ZSCAN25: variants seen among roughly 807,000 people sequenced by gnomAD.
ZSCAN25 encodes the protein zinc finger and SCAN domain containing 25.
In ZSCAN25, 27 loss-of-function variants were observed where a neutral mutation model predicts 38.7. The observed-to-expected ratio is 0.70, with a 90% confidence interval of 0.51 to 0.96. The LOEUF is 0.96. ZSCAN25 is among the 40% of genes least tolerant of loss of function. The pLI is 0.00. For synonymous variants in ZSCAN25, 273 were observed against 277.7 expected (o/e 0.98, Z 0.17); for missense variants, 637 against 705.9 (o/e 0.90, Z 1.11).
At chr7:99,699,818 T>C in the ZSCAN25 span, 1 of 579,972 alleles carries the variant, frequency 1.7e-6, no homozygotes, top group Non-Finnish European at 3.1e-6. Flanking sequence ...ATAAGATCAA[T>C]AATAACCTCT....
Position 99,629,429 on chromosome 7 carries a change from C to T in ZSCAN25, c.1044C>T (p.Phe348=), listed in dbSNP as rs749837534. The change falls in exon 8 of 8, where the codon TTC becomes TTT. Residue 348 remains phenylalanine, a synonymous_variant. Transcript: ENST00000394152. The surrounding 1 kb of genome is among the most constrained non-coding windows in gnomAD (Gnocchi z 5.6). The part of the protein sequence containing the change: ...VKTHSSFWKP[F]QCPECGKGFS... The stretch of plus-strand genomic sequence containing the variant: ...CCCACAGCTCCTTCTGGAAGCCTTT[C>T]CAGTGCCCTGAGTGTGGGAAAGGAT... The T allele has an allele frequency of 3.7e-6, 6 of 1,614,234 alleles. No individual in the cohort carries two copies. Among genetic ancestry groups the T allele is most frequent in the Non-Finnish European group, 5.1e-6 (6 of 1,180,042 alleles).
the ZSCAN25 span, among the ~76,000 whole-genome samples, chr7:99,637,839 A>G: frequency 6.6e-6 from 1 of 152,248 alleles, no homozygotes; most frequent in African/African-American, 2.4e-5. Flanking sequence ...GCATGAATGC[A>G]AAATAAGCCA....
chr7:99,722,541 CTT>C, the ZSCAN25 span, among the ~76,000 whole-genome samples: 1 of 152,122 alleles, frequency 6.6e-6, no homozygotes, highest in African/African-American at 2.4e-5. Flanking sequence ...TAAAATCACT[CTT>C]GAATTTTCTT....
the ZSCAN25 span, among the ~76,000 whole-genome samples, chr7:99,679,493 T>C: frequency 6.6e-6 from 1 of 152,160 alleles, no homozygotes; most frequent in Non-Finnish European, 1.5e-5. Context: ...GATCACACTG[T>C]CCATCATGAT....
the ZSCAN25 span, chr7:99,648,467 A>G: frequency 9.0e-7 from 1 of 1,114,406 alleles, no homozygotes; most frequent in Non-Finnish European, 1.3e-6. Context: ...ATGGAAGCAA[A>G]GTAGAAAAAA....
At chr7:99,648,119 T>C in the ZSCAN25 span, 1 of 1,254,102 alleles carries the variant, frequency 8.0e-7, no homozygotes, top group East Asian at 3.2e-5. Context: ...TCCTTTATAC[T>C]ACATAATGCA....
At chr7:99,638,426 A>G in the ZSCAN25 span, 60 of 1,575,816 alleles carry the variant, frequency 3.8e-5, 1 homozygote, top group African/African-American at 4.6e-4. Flanking sequence ...GGATTATGGC[A>G]TCCCTCATCT....
At chr7:99,627,312 C>G (rs1288658213) in intron 7 of ZSCAN25, among the ~76,000 whole-genome samples, 1 of 152,152 alleles carries the variant, frequency 6.6e-6, no homozygotes, top group Non-Finnish European at 1.5e-5. Context: ...TCCCCAAGAT[C>G]TAGTTGTGGT....
At chr7:99,646,833 C>CATGCA in the ZSCAN25 span, among the ~76,000 whole-genome samples, 2 of 150,956 alleles carry the variant, frequency 1.3e-5, no homozygotes, top group African/African-American at 4.9e-5. Context: ...CACACACACA[C>CATGCA]ACACATGCAT....
the ZSCAN25 span, among the ~76,000 whole-genome samples, chr7:99,667,314 C>T: frequency 6.6e-6 from 1 of 152,204 alleles, no homozygotes; most frequent in Non-Finnish European, 1.5e-5. Context: ...ATCTCAGTCT[C>T]CTTTTAATTG....
the ZSCAN25 span, chr7:99,638,108 C>CA: frequency 1.1e-6 from 1 of 903,094 alleles, no homozygotes; most frequent in Non-Finnish European, 1.6e-6. Flanking sequence ...CCTCTCCCCC[C>CA]AAACTGTAGA....
At chr7:99,653,207 A>G in the ZSCAN25 span, among the ~76,000 whole-genome samples, 1 of 152,214 alleles carries the variant, frequency 6.6e-6, no homozygotes, top group Non-Finnish European at 1.5e-5. The surrounding 1 kb of genome is among the most constrained non-coding windows in gnomAD (Gnocchi z 4.2). Context: ...CACAAGGATT[A>G]TTGGTTGCAG....
the ZSCAN25 span, chr7:99,700,081 T>G: frequency 1.5e-6 from 2 of 1,358,150 alleles, no homozygotes; most frequent in Non-Finnish European, 2.1e-6. Context: ...TACTTTCAGC[T>G]GTGTGCTGTT....
Position 99,629,692 on chromosome 7 carries a change from G to A in ZSCAN25, c.1307G>A (p.Cys436Tyr), listed in dbSNP as rs1807821023. 1.2e-6 allele frequency: 2 copies of A among 1,613,998 alleles called. No homozygotes were observed. Among genetic ancestry groups the A allele is most frequent in the Non-Finnish European group, 1.7e-6 (2 of 1,180,050 alleles). The change falls in exon 8 of 8, where the codon TGC becomes TAC. Residue 436 changes from cysteine to tyrosine, a missense_variant. Physicochemically the swap from Cys to Tyr is radical, Grantham distance 194. Transcript: ENST00000394152. The surrounding 1 kb of genome is among the most constrained non-coding windows in gnomAD (Gnocchi z 5.6). ...GAGAAGCCCTACAAGTGCGGGGACT[G>A]CTGGAAGAGCTTCAGCCGCAGGCAG... Reference protein sequence around the residue: ...TGEKPYKCGDCWKSFSRRQHL... With the variant: ...TGEKPYKCGDYWKSFSRRQHL...
At chr7:99,717,387 C>A in the ZSCAN25 span, 1 of 1,595,194 alleles carries the variant, frequency 6.3e-7, no homozygotes, top group South Asian at 1.1e-5. Context: ...GATGTGTTTT[C>A]TGTACATAAA....
chr7:99,708,120 A>G, the ZSCAN25 span: 16 of 1,103,344 alleles, frequency 1.5e-5, no homozygotes, highest in Admixed American at 2.6e-4. Context: ...CCTGCTATGC[A>G]TATTTTGCTA....
the ZSCAN25 span, among the ~76,000 whole-genome samples, chr7:99,712,968 T>C: frequency 6.6e-6 from 1 of 152,192 alleles, no homozygotes; most frequent in Non-Finnish European, 1.5e-5. Context: ...AATAACTTCA[T>C]AGTTGATTAA....
At chr7:99,619,166 T>C (rs1487688300) in intron 3 of ZSCAN25, 34 bp downstream of exon 3, 1 of 154,640 alleles carries the variant, frequency 6.5e-6, no homozygotes, top group Non-Finnish European at 1.4e-5. Flanking sequence ...TTCTATTTTA[T>C]TTGTTGTTTC....
At chr7:99,727,452 G>T in the ZSCAN25 span, among the ~76,000 whole-genome samples, 4 of 152,068 alleles carry the variant, frequency 2.6e-5, no homozygotes, top group Non-Finnish European at 5.9e-5. Flanking sequence ...ACTCTCTGTT[G>T]AGTCTCCCAC....
Sources: gnomAD v4.1 joint callset for allele counts (sites outside exome capture counted in the v4.1 genomes callset) on GRCh38, gnomAD v4.1.1 for gene constraint, Gnocchi (gnomAD v3.1) non-coding constraint, MANE v1.5 for transcripts, NCBI Gene and HGNC (gene_info 2026-07-23, HGNC 2026-07-21) for gene names.